The following IQCM variants were observed in gnomAD, a reference collection of about 807,000 sequenced individuals.
IQCM encodes the protein IQ domain-containing protein M.
A neutral mutation model predicts 57.6 loss-of-function variants in IQCM; 45 were observed. That is an observed-to-expected ratio of 0.78 (90% confidence interval 0.62 to 1.00). The LOEUF (loss-of-function observed/expected upper bound fraction) is 1.00, where lower values mean the gene tolerates loss of function less well. IQCM is among the 50% of genes least tolerant of loss of function. The pLI is 0.00. For synonymous variants in IQCM, 148 were observed against 158.9 expected (o/e 0.93, Z 0.51); for missense variants, 468 against 511.6 (o/e 0.91, Z 0.82).
rs1164451186 is a variant in IQCM at position 149,660,025 on chromosome 4, A to G, written c.565+22093T>C. Among the ~76,000 whole-genome samples, 71 of 151,374 alleles carry G rather than the reference A, an allele frequency of 4.7e-4. 2 individuals are homozygous for G. The South Asian group carries it at 0.015, about 32-fold the overall frequency. Reference sequence around the variant, plus strand: ...GAGCTTCTGCACAGCAAAAGAAACTACCATCAGAGTGAACAGGCAACCCAC... The same window carrying G: ...GAGCTTCTGCACAGCAAAAGAAACTGCCATCAGAGTGAACAGGCAACCCAC... On this transcript the variant is annotated intron_variant, in intron 7 of 13. Transcript: ENST00000636793.
intron 12 of IQCM, among the ~76,000 whole-genome samples, chr4:149,460,925 T>TA (rs1019769100): frequency 1.3e-5 from 2 of 151,906 alleles, no homozygotes; most frequent in African/African-American, 2.4e-5. Flanking sequence ...TTTTTCTGCT[T>TA]AAAAAAAATC....
At chr4:149,638,775 A>C (rs1474201774) in intron 7 of IQCM, among the ~76,000 whole-genome samples, 1 of 152,172 alleles carries the variant, frequency 6.6e-6, no homozygotes, top group African/African-American at 2.4e-5. Flanking sequence ...GGCTGTTCCA[A>C]AATAGTGGAT....
intron 5 of IQCM, among the ~76,000 whole-genome samples, chr4:149,729,616 A>G (rs892880867): frequency 1.3e-5 from 2 of 152,148 alleles, no homozygotes; most frequent in Admixed American, 6.5e-5. Context: ...CTAGGATTAC[A>G]GGAGCGTATC....
intron 13 of IQCM, among the ~76,000 whole-genome samples, chr4:149,362,447 G>A (rs947695080): frequency 6.6e-5 from 10 of 152,064 alleles, no homozygotes; most frequent in African/African-American, 1.9e-4. Context: ...TTGTGGGAGG[G>A]ACCCATGGGG....
At chr4:149,630,827 G>C (rs1757203386) in intron 7 of IQCM, among the ~76,000 whole-genome samples, 1 of 152,054 alleles carries the variant, frequency 6.6e-6, no homozygotes, top group African/African-American at 2.4e-5. Flanking sequence ...GTTTATTATA[G>C]CATTATTTAT....
Position 149,366,470 on chromosome 4 carries a change from G to C in IQCM, c.1391-14404C>G, listed in dbSNP as rs551575201. Reference sequence around the variant, plus strand: ...TTTCATCCTGCTTGCTCCATTGCCTGTTTCTTGGCTATCCTTCAATAGGAG... The same window carrying C: ...TTTCATCCTGCTTGCTCCATTGCCTCTTTCTTGGCTATCCTTCAATAGGAG... On this transcript the variant is annotated intron_variant, in intron 13 of 13. Coordinates refer to ENST00000636793, the MANE Select transcript of IQCM (RefSeq NM_001363507.2). Among the ~76,000 whole-genome samples, 48 of 151,778 alleles carry C rather than the reference G, an allele frequency of 3.2e-4. 1 individual carries two copies. The South Asian group carries it at 1.0e-2, about 32-fold the overall frequency.
intron 2 of IQCM, among the ~76,000 whole-genome samples, chr4:149,746,906 T>C (rs902225930): frequency 6.6e-6 from 1 of 151,992 alleles, no homozygotes; most frequent in African/African-American, 2.4e-5. Flanking sequence ...AAAAAAGGAG[T>C]CTAGACCAGG....
intron 2 of IQCM, among the ~76,000 whole-genome samples, chr4:149,795,552 G>A (rs1368815627): frequency 6.6e-6 from 1 of 152,132 alleles, no homozygotes; most frequent in African/African-American, 2.4e-5. Context: ...CAGAGCCAAT[G>A]GACTCACGGG....
chr4:149,581,814 G>A (rs1003138989), intron 9 of IQCM, among the ~76,000 whole-genome samples: 4 of 151,408 alleles, frequency 2.6e-5, no homozygotes, highest in Non-Finnish European at 4.4e-5. Context: ...CTATTCTTTG[G>A]AGAATTGCAC....
chr4:149,597,094 A>G (rs1163485427), intron 8 of IQCM, among the ~76,000 whole-genome samples: 2 of 152,240 alleles, frequency 1.3e-5, no homozygotes, highest in East Asian at 3.9e-4. Context: ...AAACAAAAAA[A>G]ATTATCAAAA....
chr4:149,452,787 T>C (rs1363987170), intron 12 of IQCM, among the ~76,000 whole-genome samples: 2 of 151,576 alleles, frequency 1.3e-5, no homozygotes, highest in Non-Finnish European at 3.0e-5. Flanking sequence ...AAGTTTGTTA[T>C]TGTCAACTAG....
intron 5 of IQCM, among the ~76,000 whole-genome samples, chr4:149,703,519 A>G (rs997131253): frequency 1.9e-4 from 29 of 151,912 alleles, no homozygotes; most frequent in African/African-American, 6.3e-4. Context: ...ATCTTGAACT[A>G]TGGTCTCTAT....
At chr4:149,585,969 G>C (rs924223688) in intron 9 of IQCM, among the ~76,000 whole-genome samples, 2 of 151,652 alleles carry the variant, frequency 1.3e-5, no homozygotes, top group Admixed American at 1.3e-4. Flanking sequence ...ACAGAAAAAT[G>C]TTTAGAGTCC....
At chr4:149,556,054 T>C (rs1315123509) in intron 10 of IQCM, among the ~76,000 whole-genome samples, 2 of 152,218 alleles carry the variant, frequency 1.3e-5, no homozygotes, top group East Asian at 3.9e-4. Flanking sequence ...TCAGCTATTG[T>C]GCTAGTACAT....
chr4:149,621,842 T>C (rs1445693146), intron 7 of IQCM, among the ~76,000 whole-genome samples: 1 of 152,160 alleles, frequency 6.6e-6, no homozygotes, highest in Non-Finnish European at 1.5e-5. Context: ...TAAGATTTAT[T>C]TGTCCATTTT....
Position 149,559,959 on chromosome 4 carries a change from G to A in IQCM, c.948+3733C>T, listed in dbSNP as rs1037950168. The stretch of plus-strand genomic sequence containing the variant: ...ACTGCACATGCAGGGGATCCAGGTT[G>A]TGTGCTCTTAATGAGAATCTAATGC... On this transcript the variant is annotated intron_variant, in intron 10 of 13. Transcript: ENST00000636793. 3.9e-5 allele frequency among the ~76,000 whole-genome samples: 6 copies of A among 152,304 alleles called. No individual in the cohort carries two copies. The East Asian group carries it at 1.2e-3, about 29-fold the overall frequency.
intron 13 of IQCM, among the ~76,000 whole-genome samples, chr4:149,384,380 T>C (rs1731274437): frequency 1.3e-5 from 2 of 152,162 alleles, no homozygotes; most frequent in African/African-American, 2.4e-5. Context: ...AGGGCATACA[T>C]TTCCTTTTGT....
intron 8 of IQCM, among the ~76,000 whole-genome samples, chr4:149,594,331 C>T (rs557010013): frequency 6.6e-6 from 1 of 151,920 alleles, no homozygotes; most frequent in East Asian, 1.9e-4. Flanking sequence ...ATTGCATCTA[C>T]TTTATTCTTC....
chr4:149,480,899 G>A (rs2149750063), intron 12 of IQCM, among the ~76,000 whole-genome samples: 1 of 151,798 alleles, frequency 6.6e-6, no homozygotes, highest in Non-Finnish European at 1.5e-5. Flanking sequence ...GGGTTCCTTA[G>A]CTCATCCTTG....
Sources: gnomAD v4.1 joint callset for allele counts (sites outside exome capture counted in the v4.1 genomes callset) on GRCh38, gnomAD v4.1.1 for gene constraint, MANE v1.5 for transcripts, NCBI Gene and HGNC (gene_info 2026-07-23, HGNC 2026-07-21) for gene names.